TMEM132B: variants seen among roughly 807,000 people sequenced by gnomAD.
TMEM132B encodes transmembrane protein 132B.
A neutral mutation model predicts 90.8 loss-of-function variants in TMEM132B; 18 were observed. That is an observed-to-expected ratio of 0.20 (90% CI 0.14 to 0.29). The LOEUF (loss-of-function observed/expected upper bound fraction) is 0.29, where lower values mean the gene tolerates loss of function less well. TMEM132B is among the 10% of genes least tolerant of loss of function. The probability of loss-of-function intolerance (pLI) is 1.00; values close to 1 mark genes in which losing one functional copy is unlikely to be tolerated. For synonymous variants in TMEM132B, 504 were observed against 523.3 expected (o/e 0.96, Z 0.50); for missense variants, 1,096 against 1,326.8 (o/e 0.83, Z 2.70).
At chr12:125,450,741 G>T (rs372534597) in intron 3 of TMEM132B, among the ~76,000 whole-genome samples, 4 of 152,186 alleles carry the variant, frequency 2.6e-5, no homozygotes, top group African/African-American at 9.6e-5. Context: ...AATTATAAGG[G>T]GAAAAAATAG....
chr12:125,558,457 C>G (rs1884445235), intron 4 of TMEM132B, among the ~76,000 whole-genome samples: 1 of 152,178 alleles, frequency 6.6e-6, no homozygotes, highest in African/African-American at 2.4e-5. Context: ...CTGGAGAATT[C>G]TCTATGATCT....
chr12:125,340,892 G>A (rs767000971), intron 1 of TMEM132B, among the ~76,000 whole-genome samples: 6 of 152,236 alleles, frequency 3.9e-5, no homozygotes, highest in African/African-American at 4.8e-5. Flanking sequence ...AGGCATCCTC[G>A]TAAGCTCACA....
At position 125,406,282 on chromosome 12, in the gene TMEM132B, T is replaced by C. The variant is rs1879474963; in HGVS notation, c.960-9249T>C. Among the ~76,000 whole-genome samples, 2 of 152,344 alleles carry C rather than the reference T, an allele frequency of 1.3e-5. No homozygotes were observed. Among genetic ancestry groups the C allele is most frequent in the African/African-American group, 4.8e-5 (2 of 41,584 alleles). Reference sequence around the variant, plus strand: ...GCCTGTCTAGTGATGCTCATCAAGTTTCCTCATGTGGAAAATGGAAGCAGA... The same window carrying C: ...GCCTGTCTAGTGATGCTCATCAAGTCTCCTCATGTGGAAAATGGAAGCAGA... On this transcript the variant is annotated intron_variant, in intron 2 of 8. Transcript: ENST00000682704. This position sits in a 1 kb window ranked among gnomAD's most constrained non-coding sequence, Gnocchi z 8.3.
At chr12:125,505,232 A>G (rs985212463) in intron 3 of TMEM132B, among the ~76,000 whole-genome samples, 46 of 150,592 alleles carry the variant, frequency 3.1e-4, no homozygotes, top group Non-Finnish European at 6.2e-4. Context: ...GACCCAGATA[A>G]TGGAATTATC....
At chr12:125,447,226 T>C (rs1309677461) in intron 3 of TMEM132B, among the ~76,000 whole-genome samples, 2 of 152,218 alleles carry the variant, frequency 1.3e-5, no homozygotes, top group Non-Finnish European at 2.9e-5. Flanking sequence ...TTTTAATCTG[T>C]GGTCTTACTA....
chr12:125,515,872 ACT>A (rs1883139903), intron 3 of TMEM132B, among the ~76,000 whole-genome samples: 1 of 151,286 alleles, frequency 6.6e-6, no homozygotes, highest in Non-Finnish European at 1.5e-5. Context: ...TGTCACACAC[ACT>A]CATAGACATT....
chr12:125,263,466 C>G (rs368899162), intron 1 of TMEM132B, among the ~76,000 whole-genome samples: 2 of 152,292 alleles, frequency 1.3e-5, no homozygotes, highest in African/African-American at 4.8e-5. Context: ...GTCCTTGGTG[C>G]CTGGCACTTG....
intron 4 of TMEM132B, among the ~76,000 whole-genome samples, chr12:125,555,075 A>C (rs765338376): frequency 1.3e-5 from 2 of 152,194 alleles, no homozygotes; most frequent in South Asian, 2.1e-4. Context: ...CATGATGTGC[A>C]TCTGTTATTT....
intron 2 of TMEM132B, among the ~76,000 whole-genome samples, chr12:125,380,159 T>G (rs890403341): frequency 6.6e-6 from 1 of 152,140 alleles, no homozygotes; most frequent in African/African-American, 2.4e-5. Flanking sequence ...GTGGGCAGGG[T>G]AGGTTCCTTC....
chr12:125,483,890 G>C (rs1487861466), intron 3 of TMEM132B, among the ~76,000 whole-genome samples: 2 of 152,140 alleles, frequency 1.3e-5, no homozygotes, highest in African/African-American at 4.8e-5. Context: ...GGCTTCCTAT[G>C]GGTCAGAGGT....
Position 125,339,006 on chromosome 12 carries a change from G to A in TMEM132B, c.68-10446G>A, listed in dbSNP as rs555518189. 5.3e-5 allele frequency among the ~76,000 whole-genome samples: 8 copies of A among 152,218 alleles called. No individual in the cohort carries two copies. In the South Asian group the frequency reaches 1.5e-3, roughly 28 times the overall value. ...ACTTGAAAATACGTAGAAAAATATG[G>A]CAGGAAGTTGAAAGGCATCCACACT... On this transcript the variant is annotated intron_variant, in intron 1 of 8. Coordinates refer to ENST00000682704, the MANE Select transcript of TMEM132B (RefSeq NM_001366854.1).
intron 2 of TMEM132B, among the ~76,000 whole-genome samples, chr12:125,405,475 A>G (rs323855): frequency 3.0e-4 from 46 of 152,158 alleles, no homozygotes; most frequent in African/African-American, 1.0e-3. Context: ...TCCCTGGGGG[A>G]CACTATTCAA....
chr12:125,193,047 T>TG (rs1872833520), intron 1 of TMEM132B, among the ~76,000 whole-genome samples: 1 of 152,118 alleles, frequency 6.6e-6, no homozygotes, highest in African/African-American at 2.4e-5. Context: ...CTGAGGCTGT[T>TG]AGCACAGGGC....
intron 1 of TMEM132B, chr12:125,301,213 G>A (rs1031490915): frequency 6.6e-6 from 1 of 152,116 alleles, no homozygotes; most frequent in African/African-American, 2.4e-5. Context: ...CAGAATCCTC[G>A]CACTGATCTG....
intron 1 of TMEM132B, among the ~76,000 whole-genome samples, chr12:125,309,187 A>T (rs1457501809): frequency 6.6e-6 from 1 of 152,202 alleles, no homozygotes; most frequent in Non-Finnish European, 1.5e-5. Flanking sequence ...ATTCTTTGTT[A>T]TATATTTTAA....
At chr12:125,207,984 T>C (rs1348393490) in intron 1 of TMEM132B, among the ~76,000 whole-genome samples, 2 of 152,266 alleles carry the variant, frequency 1.3e-5, no homozygotes, top group Admixed American at 1.3e-4. Context: ...TAAAGTTAAG[T>C]AAATTTAAAT....
chr12:125,610,573 A>G (rs1885800199), intron 5 of TMEM132B, among the ~76,000 whole-genome samples: 1 of 151,994 alleles, frequency 6.6e-6, no homozygotes, highest in Non-Finnish European at 1.5e-5. Context: ...CTAACCCTAC[A>G]TTCCTGGGAT....
chr12:125,323,360 C>T (rs529660804), intron 1 of TMEM132B, among the ~76,000 whole-genome samples: 7 of 152,162 alleles, frequency 4.6e-5, no homozygotes, highest in South Asian at 4.2e-4. Flanking sequence ...TGCTTGAACC[C>T]GGGAGGCGGA....
At chr12:125,503,592 C>A (rs961606702) in intron 3 of TMEM132B, among the ~76,000 whole-genome samples, 2 of 152,194 alleles carry the variant, frequency 1.3e-5, no homozygotes, top group African/African-American at 2.4e-5. Flanking sequence ...GTACCTGAAT[C>A]CTGTGTGAAC....
Sources: gnomAD v4.1 joint callset for allele counts (sites outside exome capture counted in the v4.1 genomes callset) on GRCh38, gnomAD v4.1.1 for gene constraint, Gnocchi (gnomAD v3.1) non-coding constraint, MANE v1.5 for transcripts, NCBI Gene and HGNC (gene_info 2026-07-23, HGNC 2026-07-21) for gene names.